The following MIR2052HG variants were observed in gnomAD, a reference collection of about 807,000 sequenced individuals.
MIR2052HG encodes MIR2052 host gene.
At chr8:74,654,129 G>A (rs547844521) in intron 2 of MIR2052HG, among the ~76,000 whole-genome samples, 1 of 152,162 alleles carries the variant, frequency 6.6e-6, no homozygotes, top group African/African-American at 2.4e-5. Context: ...CGTATTTGGG[G>A]TCTACAGAAG....
intron 1 of MIR2052HG, chr8:74,603,361 G>T: frequency 6.2e-7 from 1 of 1,611,088 alleles, no homozygotes; most frequent in Non-Finnish European, 8.5e-7. Flanking sequence ...GCTAATGCTG[G>T]CAGCAGATCC....
chr8:74,604,355 T>G (rs879173433), intron 1 of MIR2052HG: 4 of 179,708 alleles, frequency 2.2e-5, no homozygotes, highest in Non-Finnish European at 3.5e-5. Context: ...AAAAGGGGAA[T>G]GGGCTGGAAG....
chr8:74,642,555 G>A (rs1215593095), intron 2 of MIR2052HG, among the ~76,000 whole-genome samples: 1 of 152,018 alleles, frequency 6.6e-6, no homozygotes, highest in Non-Finnish European at 1.5e-5. Context: ...TGATTTTAAG[G>A]TTGCAACAAA....
At chr8:74,649,844 T>C (rs1393248188) in intron 2 of MIR2052HG, among the ~76,000 whole-genome samples, 1 of 152,030 alleles carries the variant, frequency 6.6e-6, no homozygotes, top group Non-Finnish European at 1.5e-5. Context: ...TATTTTATAT[T>C]TTTTTTCAAA....
intron 2 of MIR2052HG, among the ~76,000 whole-genome samples, chr8:74,656,045 G>A (rs1311894387): frequency 6.6e-6 from 1 of 152,094 alleles, no homozygotes; most frequent in Non-Finnish European, 1.5e-5. Flanking sequence ...AACTTGCGTG[G>A]GCCCTGTAAC....
chr8:74,656,418 T>C (rs1310940242), intron 2 of MIR2052HG, among the ~76,000 whole-genome samples: 7 of 152,146 alleles, frequency 4.6e-5, no homozygotes, highest in African/African-American at 1.7e-4. Context: ...GGTAATTGAA[T>C]CATGGGGGCC....
chr8:74,653,506 C>G (rs1808773634), intron 2 of MIR2052HG, among the ~76,000 whole-genome samples: 1 of 152,064 alleles, frequency 6.6e-6, no homozygotes, highest in African/African-American at 2.4e-5. Flanking sequence ...TCATGCTAAT[C>G]AAAGATTAAA....
At chr8:74,694,794 GA>G (rs955647066) in intron 2 of MIR2052HG, among the ~76,000 whole-genome samples, 1 of 151,788 alleles carries the variant, frequency 6.6e-6, no homozygotes, top group Non-Finnish European at 1.5e-5. Context: ...CAAAGGCAAA[GA>G]AAAAAATGAA....
intron 2 of MIR2052HG, among the ~76,000 whole-genome samples, chr8:74,658,245 A>G (rs1413384073): frequency 6.6e-6 from 1 of 152,018 alleles, no homozygotes; most frequent in Non-Finnish European, 1.5e-5. Flanking sequence ...GACTTTTTTC[A>G]TTCACATATA....
intron 2 of MIR2052HG, among the ~76,000 whole-genome samples, chr8:74,684,461 G>A (rs1809158811): frequency 1.3e-5 from 2 of 152,052 alleles, no homozygotes; most frequent in Admixed American, 1.3e-4. Context: ...GAAGAGGAGA[G>A]GGAAGGGGAA....
chr8:74,604,796 A>C (rs947579407), intron 1 of MIR2052HG, among the ~76,000 whole-genome samples: 5 of 151,660 alleles, frequency 3.3e-5, no homozygotes, highest in African/African-American at 1.2e-4. Flanking sequence ...GTTTCACCAC[A>C]TTAGTCAGGC....
intron 1 of MIR2052HG, among the ~76,000 whole-genome samples, chr8:74,602,874 T>TTTCTTTCTTTCTTTCTTTCTTTCTTTC (rs1554570072): frequency 7.2e-6 from 1 of 138,680 alleles, no homozygotes. Context: ...TCTTTCTTTC[T>TTTCTTTCTTTCTTTCTTTCTTTCTTTC]TTTTTCTATT....
At chr8:74,682,166 T>A (rs1586912707) in intron 2 of MIR2052HG, among the ~76,000 whole-genome samples, 1 of 152,126 alleles carries the variant, frequency 6.6e-6, no homozygotes, top group East Asian at 1.9e-4. Flanking sequence ...AAAATGCAGT[T>A]GAAAAATTTA....
At chr8:74,643,486 C>T (rs886129037) in intron 2 of MIR2052HG, among the ~76,000 whole-genome samples, 4 of 152,108 alleles carry the variant, frequency 2.6e-5, no homozygotes, top group Non-Finnish European at 2.9e-5. Flanking sequence ...GGTATATTTT[C>T]GTTCTCGTGG....
At chr8:74,652,012 G>A (rs568367193) in intron 2 of MIR2052HG, among the ~76,000 whole-genome samples, 43 of 152,182 alleles carry the variant, frequency 2.8e-4, no homozygotes, top group African/African-American at 7.0e-4. Flanking sequence ...TGACTGTCTC[G>A]CCTTATTTCT....
intron 4 of MIR2052HG, among the ~76,000 whole-genome samples, chr8:74,736,318 T>C (rs781167287): frequency 6.6e-6 from 1 of 152,214 alleles, no homozygotes; most frequent in Non-Finnish European, 1.5e-5. Flanking sequence ...CTTTATGTGG[T>C]GGGTACATAA....
chr8:74,744,410 G>A (rs149537458), intron 4 of MIR2052HG, among the ~76,000 whole-genome samples: 2,180 of 151,842 alleles, frequency 0.014, 48 homozygotes, highest in African/African-American at 0.049. Flanking sequence ...GTGCCATGCT[G>A]GTGTGCTGCA....
intron 4 of MIR2052HG, among the ~76,000 whole-genome samples, chr8:74,717,812 A>T (rs1024292644): frequency 6.6e-6 from 1 of 152,114 alleles, no homozygotes; most frequent in African/African-American, 2.4e-5. Flanking sequence ...TGTCTCAAAA[A>T]AAGAAAAAAA....
intron 4 of MIR2052HG, among the ~76,000 whole-genome samples, chr8:74,707,152 G>T (rs117619606): frequency 0.018 from 2,694 of 152,180 alleles, 40 homozygotes; most frequent in Non-Finnish European, 0.025. Flanking sequence ...CTCCCATGTA[G>T]ATATCTGTCG....
Sources: gnomAD v4.1 joint callset for allele counts (sites outside exome capture counted in the v4.1 genomes callset) on GRCh38, gnomAD v4.1.1 for gene constraint, MANE v1.5 for transcripts, NCBI Gene and HGNC (gene_info 2026-07-23, HGNC 2026-07-21) for gene names.